PLXDC1: variants seen among roughly 807,000 people sequenced by gnomAD.
PLXDC1 encodes plexin domain-containing protein 1.
In PLXDC1, 39 loss-of-function variants were observed where a neutral mutation model predicts 61.3. The ratio of observed to expected loss-of-function variants is 0.64; its 90% CI spans 0.49 to 0.83. The LOEUF is 0.83. Ranked by LOEUF, PLXDC1 falls within the 40% of genes least tolerant of loss-of-function variation. The pLI, the probability that PLXDC1 is intolerant of heterozygous loss-of-function variation, is 0.00. For synonymous variants in PLXDC1, 212 were observed against 254.5 expected (o/e 0.83, Z 1.59); for missense variants, 596 against 666.5 (o/e 0.89, Z 1.17).
At chr17:39,136,221 G>A (rs1911748609) in intron 2 of PLXDC1, among the ~76,000 whole-genome samples, 1 of 152,132 alleles carries the variant, frequency 6.6e-6, no homozygotes, top group Non-Finnish European at 1.5e-5. Context: ...AGGGAGTGAT[G>A]CCATGTCCCC....
intron 7 of PLXDC1, among the ~76,000 whole-genome samples, chr17:39,101,290 A>AT (rs1213986313): frequency 6.6e-6 from 1 of 152,210 alleles, no homozygotes; most frequent in Non-Finnish European, 1.5e-5. Context: ...AGGGAGGGAC[A>AT]TTCACACGTA....
chr17:39,105,495 C>A (rs568170451), intron 7 of PLXDC1, among the ~76,000 whole-genome samples: 1 of 152,208 alleles, frequency 6.6e-6, no homozygotes, highest in East Asian at 1.9e-4. Flanking sequence ...ATGATGCTCC[C>A]TTTATCACCT....
intron 6 of PLXDC1, 93 bp from the exon 7 acceptor site, chr17:39,106,046 G>A: frequency 1.3e-6 from 1 of 771,950 alleles, no homozygotes; most frequent in South Asian, 1.7e-5. Flanking sequence ...CTTTCTGGAT[G>A]GCACCACCTC....
At chr17:39,140,124 C>T (rs1183478384) in intron 1 of PLXDC1, among the ~76,000 whole-genome samples, 2 of 152,194 alleles carry the variant, frequency 1.3e-5, no homozygotes, top group Admixed American at 1.3e-4. Context: ...AAAAGTCACG[C>T]AGTGGGTTAG....
intron 2 of PLXDC1, among the ~76,000 whole-genome samples, chr17:39,115,526 G>C (rs1280894797): frequency 6.6e-6 from 1 of 152,224 alleles, no homozygotes; most frequent in Non-Finnish European, 1.5e-5. Context: ...GGACAGTGAA[G>C]CCAGGAGCCA....
intron 7 of PLXDC1, among the ~76,000 whole-genome samples, chr17:39,095,059 AAG>A (rs1910098014): frequency 6.6e-6 from 1 of 152,162 alleles, no homozygotes; most frequent in Non-Finnish European, 1.5e-5. Context: ...GCAGCCAGGG[AAG>A]CCAAGTCTCC....
chr17:39,109,429 G>A, intron 2 of PLXDC1, 38 bp from the exon 3 acceptor site: 1 of 1,555,804 alleles, frequency 6.4e-7, no homozygotes, highest in Non-Finnish European at 8.7e-7. Context: ...GGAGGTGTGA[G>A]TAGTCAGCAT....
intron 7 of PLXDC1, among the ~76,000 whole-genome samples, chr17:39,103,049 T>A (rs1231958767): frequency 2.6e-5 from 4 of 152,072 alleles, no homozygotes. Flanking sequence ...ACCCCATCTC[T>A]ACTAAAAATA....
chr17:39,100,860 G>GC (rs2143613472), intron 7 of PLXDC1, among the ~76,000 whole-genome samples: 1 of 152,258 alleles, frequency 6.6e-6, no homozygotes, highest in African/African-American at 2.4e-5. Flanking sequence ...AGCGCAGGGG[G>GC]CTAAGGGGAG....
rs565498499 is a variant in PLXDC1 at position 39,101,495 on chromosome 17, G to A, written c.811+4359C>T. On this transcript the variant is annotated intron_variant, in intron 7 of 13. Transcript: ENST00000315392. ...CCCTAAAAAGGGAGACGGAGAAGAA[G>A]GGAAGGGAGGGTGAGGTGCGAGCCC... 5.9e-3 allele frequency among the ~76,000 whole-genome samples: 905 copies of A among 152,318 alleles called. 12 individuals carry two copies. The highest frequency in any genetic ancestry group is 0.021 in the African/African-American group (852 of 41,556).
chr17:39,083,453 A>G lies in PLXDC1; in HGVS notation c.989+6T>C. On this transcript the variant is annotated splice_donor_region_variant and intron_variant, in intron 9 of 13. Transcript: ENST00000315392. ...TGGGAGTCAGCAGGTAACCCTGGGC[A>G]CAAACCTCTGGAGGACATGGCACCA... The G allele has an allele frequency of 6.2e-7, 1 of 1,612,974 alleles. No individual in the cohort carries two copies. Among genetic ancestry groups the G allele is most frequent in the Non-Finnish European group, 8.5e-7 (1 of 1,179,218 alleles).
intron 7 of PLXDC1, among the ~76,000 whole-genome samples, chr17:39,100,683 G>A (rs751143349): frequency 3.9e-5 from 6 of 152,222 alleles, no homozygotes; most frequent in Middle Eastern, 3.2e-3. Context: ...CTAAATTCTG[G>A]AGCAATTTGT....
chr17:39,120,800 G>C (rs1437465076), intron 2 of PLXDC1, among the ~76,000 whole-genome samples: 1 of 136,092 alleles, frequency 7.3e-6, no homozygotes, highest in Non-Finnish European at 1.6e-5. Context: ...TTTTGCTCCT[G>C]TTGCCCAGGG....
rs143606112 is a variant in PLXDC1, at chr17:39,074,993, T to G, written c.1187-2508A>C. On this transcript the variant is annotated intron_variant, in intron 11 of 13. Coordinates refer to ENST00000315392, the MANE Select transcript of PLXDC1 (RefSeq NM_020405.5). Reference sequence around the variant, plus strand: ...TTCTTTTTTTGAGACAGCGTTTCACTTTGTCACCCAGGCTAGAGTGCAGTG... The same window carrying G: ...TTCTTTTTTTGAGACAGCGTTTCACGTTGTCACCCAGGCTAGAGTGCAGTG... 3.9e-3 allele frequency among the ~76,000 whole-genome samples: 600 copies of G among 152,296 alleles called. 25 individuals carry two copies. In the East Asian group the frequency reaches 0.092, roughly 23 times the overall value.
In PLXDC1 at chr17:39,151,314, G is replaced by A; in HGVS notation, c.76+48C>T. 8.0e-7 allele frequency: 1 copy of A among 1,242,446 alleles called. No homozygotes were observed. Among genetic ancestry groups the A allele is most frequent in the Non-Finnish European group, 1.0e-6 (1 of 985,274 alleles). The allele number at this position is 1,242,446 out of a possible 1,614,324, so 77.0% of individuals were successfully genotyped here. On this transcript the variant is annotated intron_variant, in intron 1 of 13. Transcript: ENST00000315392. This position sits in a 1 kb window ranked among gnomAD's most constrained non-coding sequence, Gnocchi z 5.2. ...TGCCCATGCCCACACCTGACTGCCCGTCCCTCCCCGCCCCCGGCCCACCCG... is the reference window on the plus strand; with the variant it reads ...TGCCCATGCCCACACCTGACTGCCCATCCCTCCCCGCCCCCGGCCCACCCG...
intron 1 of PLXDC1, among the ~76,000 whole-genome samples, chr17:39,146,219 C>T (rs2045341632): frequency 6.6e-6 from 1 of 151,956 alleles, no homozygotes. Context: ...TACAGGAGTG[C>T]GCCACCACAC....
chr17:39,063,545 A>C lies in PLXDC1; in HGVS notation c.*4295T>G. 1 of 702,178 alleles carries C rather than the reference A, an allele frequency of 1.4e-6. No individual in the cohort carries two copies. The allele number at this position is 702,178 out of a possible 1,614,324, so 43.5% of individuals were successfully genotyped here. A position where few individuals can be genotyped will look rare whatever the true frequency, so the allele number is the denominator to read the frequency against. On this transcript the variant is annotated 3_prime_UTR_variant, in exon 14 of 14. Transcript: ENST00000315392. Reference sequence around the variant, plus strand: ...CGGAGTTCAGCAGCCATCAGAACCAAGGTATGTGTGGTGATCTTCGGAATG... The same window carrying C: ...CGGAGTTCAGCAGCCATCAGAACCACGGTATGTGTGGTGATCTTCGGAATG...
chr17:39,098,461 G>A (rs1910302738), intron 7 of PLXDC1, among the ~76,000 whole-genome samples: 2 of 152,112 alleles, frequency 1.3e-5, no homozygotes, highest in African/African-American at 4.8e-5. Context: ...CCACTTTCTT[G>A]TAGTTACTCA....
chr17:39,148,555 T>C (rs1214437316), intron 1 of PLXDC1, among the ~76,000 whole-genome samples: 1 of 151,640 alleles, frequency 6.6e-6, no homozygotes, highest in Non-Finnish European at 1.5e-5. Flanking sequence ...TAATTTTTAC[T>C]AATATACTAA....
Sources: gnomAD v4.1 joint callset for allele counts (sites outside exome capture counted in the v4.1 genomes callset) on GRCh38, gnomAD v4.1.1 for gene constraint, Gnocchi (gnomAD v3.1) non-coding constraint, MANE v1.5 for transcripts, NCBI Gene and HGNC (gene_info 2026-07-23, HGNC 2026-07-21) for gene names.